ERBB4: variants seen among roughly 807,000 people sequenced by gnomAD.
ERBB4 encodes erb-b2 receptor tyrosine kinase 4.
Under a neutral mutation model 158.0 loss-of-function variants are expected in ERBB4, and 42 were observed. That is an observed-to-expected ratio of 0.27 (90% CI 0.21 to 0.34). The LOEUF is 0.34. Among genes scored for constraint, ERBB4 ranks in the 10% least tolerant of loss-of-function variants. The pLI is 1.00. For synonymous variants in ERBB4, 583 were observed against 558.7 expected (o/e 1.04, Z -0.61); for missense variants, 1,333 against 1,624.1 (o/e 0.82, Z 3.08).
chr2:211,996,606 A>T (rs1444714932), intron 2 of ERBB4, among the ~76,000 whole-genome samples: 1 of 152,162 alleles, frequency 6.6e-6, no homozygotes, highest in East Asian at 1.9e-4. Context: ...AAAATTAAAA[A>T]TATTTTAGAT....
chr2:212,262,345 G>A (rs543261335), intron 1 of ERBB4, among the ~76,000 whole-genome samples: 1 of 152,156 alleles, frequency 6.6e-6, no homozygotes, highest in South Asian at 2.1e-4. Flanking sequence ...CGCATTGCAA[G>A]CCTTGTTTCT....
chr2:211,996,565 C>A (rs2082205113), intron 2 of ERBB4, among the ~76,000 whole-genome samples: 2 of 151,966 alleles, frequency 1.3e-5, no homozygotes, highest in South Asian at 4.1e-4. Flanking sequence ...TAAGGTTTTC[C>A]CCAAGCTATG....
intron 9 of ERBB4, among the ~76,000 whole-genome samples, chr2:211,709,092 T>G (rs2073567887): frequency 6.6e-6 from 1 of 152,048 alleles, no homozygotes. Flanking sequence ...AGTGGTATTC[T>G]TCCCATAAAC....
At chr2:211,560,632 T>A (rs2067365751) in intron 20 of ERBB4, among the ~76,000 whole-genome samples, 1 of 152,128 alleles carries the variant, frequency 6.6e-6, no homozygotes, top group Non-Finnish European at 1.5e-5. Flanking sequence ...TTCTATTGCA[T>A]ATTTAACTCA....
chr2:212,080,438 G>T (rs897990457), intron 2 of ERBB4, among the ~76,000 whole-genome samples: 41 of 151,494 alleles, frequency 2.7e-4, no homozygotes, highest in African/African-American at 9.9e-4. Flanking sequence ...AATCTTTAAG[G>T]CTAAGGTATA....
chr2:211,675,220 G>T (rs34927727), intron 13 of ERBB4, among the ~76,000 whole-genome samples: 87,313 of 152,072 alleles, frequency 0.57, 26,160 homozygotes, highest in African/African-American at 0.71. Flanking sequence ...AGGGAGCTTT[G>T]TTCCCTTGGT....
intron 1 of ERBB4, among the ~76,000 whole-genome samples, chr2:212,166,753 A>T (rs1384595824): frequency 6.6e-6 from 1 of 152,212 alleles, no homozygotes; most frequent in African/African-American, 2.4e-5. Context: ...CATATAGACC[A>T]ATGGAGCAGA....
At chr2:211,452,248 G>T (rs1040379197) in intron 20 of ERBB4, among the ~76,000 whole-genome samples, 1 of 152,100 alleles carries the variant, frequency 6.6e-6, no homozygotes, top group Non-Finnish European at 1.5e-5. Flanking sequence ...CGCGATCTCG[G>T]CTCACTGCAA....
At position 212,479,399 on chromosome 2, in the gene ERBB4, C is replaced by T. The variant is rs116471206; in HGVS notation, c.82+59050G>A. Among the ~76,000 whole-genome samples the T allele has an allele frequency of 8.6e-3, 1,306 of 152,234 alleles. 9 individuals are homozygous for T. Among genetic ancestry groups the T allele is most frequent in the Non-Finnish European group, 0.013 (904 of 67,996 alleles). ...CATGAAGGATACCAATTAAACCATG[C>T]TCTGAAACATAGTACCTTGTACCCC... is the stretch of plus-strand genomic sequence containing the variant. On this transcript the variant is annotated intron_variant, in intron 1 of 27. Transcript: ENST00000342788.
At chr2:211,540,171 T>C (rs2066759884) in intron 20 of ERBB4, among the ~76,000 whole-genome samples, 1 of 144,924 alleles carries the variant, frequency 6.9e-6, no homozygotes, top group African/African-American at 2.6e-5. Flanking sequence ...ATTAATATTG[T>C]CCCTGACCTA....
At position 211,630,485 on chromosome 2, in the gene ERBB4, A is replaced by G. The variant is rs2125872555; in HGVS notation, c.2056T>C (p.Leu686=). The change falls in exon 17 of 28, where the codon TTG becomes CTG. Residue 686 remains leucine (L), a synonymous_variant. Coordinates refer to ENST00000342788, the MANE Select transcript of ERBB4 (RefSeq NM_005235.3). ...ACCTCTGTTTCCAAGAATCTTCTCA[A>G]GGCTCTTTTCTTTTTGATGCTCTTC... The part of the protein sequence containing the change: ...RRKSIKKKRA[L]RRFLETELVE... The G allele has an allele frequency of 6.2e-7, 1 of 1,613,530 alleles. No homozygotes were observed.
At chr2:211,544,454 G>A (rs1166650289) in intron 20 of ERBB4, among the ~76,000 whole-genome samples, 3 of 151,966 alleles carry the variant, frequency 2.0e-5, no homozygotes, top group Non-Finnish European at 1.5e-5. Flanking sequence ...CCTGAGAGAC[G>A]TAGCCTGTGG....
intron 20 of ERBB4, among the ~76,000 whole-genome samples, chr2:211,524,181 G>A (rs1043434624): frequency 3.3e-5 from 5 of 152,064 alleles, no homozygotes; most frequent in African/African-American, 1.2e-4. Flanking sequence ...ACAGTAGCTA[G>A]ATACAGAGTG....
chr2:212,367,424 T>C (rs535760012), intron 1 of ERBB4, among the ~76,000 whole-genome samples: 3 of 152,204 alleles, frequency 2.0e-5, no homozygotes, highest in Non-Finnish European at 4.4e-5. Flanking sequence ...TCTCACCTTA[T>C]ATGAAAATCA....
chr2:212,388,912 G>T (rs2090764907), intron 1 of ERBB4, among the ~76,000 whole-genome samples: 1 of 152,084 alleles, frequency 6.6e-6, no homozygotes, highest in Non-Finnish European at 1.5e-5. Flanking sequence ...ATCTGAACCA[G>T]AAATGGACCA....
chr2:212,244,471 A>G (rs760885073), intron 1 of ERBB4, among the ~76,000 whole-genome samples: 1 of 152,192 alleles, frequency 6.6e-6, no homozygotes, highest in Non-Finnish European at 1.5e-5. Context: ...AATGTTAAAA[A>G]GTTGGGGAAT....
At chr2:211,637,913 A>C (rs1028274549) in intron 16 of ERBB4, among the ~76,000 whole-genome samples, 2 of 151,962 alleles carry the variant, frequency 1.3e-5, no homozygotes. Flanking sequence ...TTGCTTCAAT[A>C]TCTATGCTTG....
intron 3 of ERBB4, among the ~76,000 whole-genome samples, chr2:211,896,068 T>C (rs971072415): frequency 2.0e-5 from 3 of 152,160 alleles, no homozygotes; most frequent in African/African-American, 4.8e-5. Flanking sequence ...CTTCTCTACC[T>C]ATACTTCCTA....
At chr2:211,886,618 G>T (rs2078807862) in intron 3 of ERBB4, among the ~76,000 whole-genome samples, 1 of 152,046 alleles carries the variant, frequency 6.6e-6, no homozygotes, top group South Asian at 2.1e-4. Flanking sequence ...AAAATAGAAG[G>T]TATCTTACAA....
Sources: gnomAD v4.1 joint callset for allele counts (sites outside exome capture counted in the v4.1 genomes callset) on GRCh38, gnomAD v4.1.1 for gene constraint, MANE v1.5 for transcripts, NCBI Gene and HGNC (gene_info 2026-07-23, HGNC 2026-07-21) for gene names.